Variants in ANKDD1A observed in about 807,000 individuals in gnomAD.
ANKDD1A encodes the protein ankyrin repeat and death domain containing 1A, also known as ankyrin repeat and death domain-containing protein 1A.
ANKDD1A carries 59 observed loss-of-function variants against 63.5 expected under a neutral mutation model. The ratio of observed to expected loss-of-function variants is 0.93; its 90% confidence interval spans 0.75 to 1.15. The LOEUF (loss-of-function observed/expected upper bound fraction) is 1.15, where lower values mean the gene tolerates loss of function less well. Ranked by LOEUF, ANKDD1A falls within the 50% of genes most tolerant of loss-of-function variation. The probability of loss-of-function intolerance (pLI) is 0.00; values close to 1 mark genes in which losing one functional copy is unlikely to be tolerated. For missense variants in ANKDD1A, 632 were observed against 656.4 expected (o/e 0.96, Z 0.41); for synonymous variants, 266 against 263.9 (o/e 1.01, Z -0.08).
intron 14 of ANKDD1A, among the ~76,000 whole-genome samples, chr15:64,956,879 A>C (rs1018777645): frequency 1.3e-5 from 2 of 152,180 alleles, no homozygotes; most frequent in African/African-American, 2.4e-5. Context: ...AACTTAAGAA[A>C]AATTCTAAAA....
chr15:64,951,720 C>CTTT (rs1276132353), intron 14 of ANKDD1A, among the ~76,000 whole-genome samples: 12 of 136,306 alleles, frequency 8.8e-5, no homozygotes, highest in South Asian at 2.3e-4. Flanking sequence ...TCTTTTTCTT[C>CTTT]CCTTTTCTTC....
intron 1 of ANKDD1A, among the ~76,000 whole-genome samples, chr15:64,915,366 G>A (rs1567108870): frequency 2.0e-5 from 3 of 152,170 alleles, no homozygotes; most frequent in Non-Finnish European, 4.4e-5. Flanking sequence ...GGCCTCACCC[G>A]GCGCTGGCAC....
At chr15:64,956,477 C>T (rs980289627) in intron 14 of ANKDD1A, among the ~76,000 whole-genome samples, 3 of 151,966 alleles carry the variant, frequency 2.0e-5, no homozygotes, top group Non-Finnish European at 2.9e-5. Context: ...GGCATGAACC[C>T]GGGAGACAGA....
chr15:64,952,121 TCTC>T (rs1166269915), intron 14 of ANKDD1A, among the ~76,000 whole-genome samples: 119,817 of 145,674 alleles, frequency 0.82, 51,066 homozygotes, highest in Non-Finnish European at 0.95. Flanking sequence ...TCTTCTTTCT[TCTC>T]TTTCTTCTTC....
At chr15:64,941,618 G>A (rs1595854431) in intron 9 of ANKDD1A, among the ~76,000 whole-genome samples, 1 of 152,312 alleles carries the variant, frequency 6.6e-6, no homozygotes, top group East Asian at 1.9e-4. Flanking sequence ...TTGTATGTGT[G>A]TGTATATTCT....
At chr15:64,948,229 TAC>T (rs2140382822) in intron 13 of ANKDD1A, among the ~76,000 whole-genome samples, 1 of 152,226 alleles carries the variant, frequency 6.6e-6, no homozygotes, top group East Asian at 1.9e-4. Context: ...AAAAGACAAA[TAC>T]AGATGACACA....
At chr15:64,951,561 T>TCC (rs2085278098) in intron 14 of ANKDD1A, 1 of 124,012 alleles carries the variant, frequency 8.1e-6, no homozygotes, top group Non-Finnish European at 1.7e-5. Flanking sequence ...CTTCTTTCTT[T>TCC]TTCTTTTCTT....
intron 14 of ANKDD1A, chr15:64,950,558 C>T: frequency 1.0e-6 from 1 of 985,360 alleles, no homozygotes; most frequent in Non-Finnish European, 1.2e-6. Flanking sequence ...CTGTGATACC[C>T]ACTGACGTGG....
rs2085194045 is a variant in ANKDD1A, at chr15:64,942,652, G to A, written c.966+87G>A. 4 of 947,218 alleles carry A rather than the reference G, an allele frequency of 4.2e-6. No homozygotes were observed. In the Admixed American group the frequency reaches 9.5e-5, roughly 22 times the overall value. 58.7% of individuals were successfully genotyped at this position (947,218 alleles called of 1,614,324 possible). On this transcript the variant is annotated intron_variant, in intron 10 of 14. Transcript: ENST00000319580. ...AGGCTTGGCTGTGGTCTCCTAGCAT[G>A]GCCCAGAGTTGAGGAATCACTTTTT...
chr15:64,937,697 C>T (rs542171140), intron 9 of ANKDD1A, among the ~76,000 whole-genome samples: 1 of 152,086 alleles, frequency 6.6e-6, no homozygotes, highest in South Asian at 2.1e-4. Flanking sequence ...CACTGTACTC[C>T]AGCCTGGATG....
At chr15:64,950,710 T>C in intron 14 of ANKDD1A, 1 of 979,752 alleles carries the variant, frequency 1.0e-6, no homozygotes, top group Non-Finnish European at 1.2e-6. Flanking sequence ...AGCATATTAT[T>C]GAGGGAAAAG....
chr15:64,926,005 G>A, intron 4 of ANKDD1A, 61 bp from the exon 5 acceptor site: 1 of 1,453,148 alleles, frequency 6.9e-7, no homozygotes, highest in South Asian at 1.2e-5. Context: ...TGGGAGACTG[G>A]CAGTGTGTGA....
chr15:64,924,063 G>T (rs963194566), intron 4 of ANKDD1A, among the ~76,000 whole-genome samples: 7 of 152,254 alleles, frequency 4.6e-5, no homozygotes, highest in African/African-American at 1.7e-4. Flanking sequence ...TTGGCGGGCA[G>T]TTCCTGTGGC....
rs2085438578 is a variant in ANKDD1A, at chr15:64,958,311, T to TA, written c.*1124dup. ...ACAAAGCGTTTGCTCTAATGTGAGC[T>TA]ATGGACTTTAGTTAATAGTAACGTG... On this transcript the variant is annotated 3_prime_UTR_variant, in exon 15 of 15. Coordinates refer to ENST00000319580, the MANE Select transcript of ANKDD1A (RefSeq NM_182703.6). 1 of 152,224 alleles carries TA rather than the reference T, an allele frequency of 6.6e-6. No individual in the cohort carries two copies. Among genetic ancestry groups the TA allele is most frequent in the Non-Finnish European group, 1.5e-5 (1 of 68,038 alleles). The allele number at this position is 152,224 out of a possible 1,614,324, so 9.4% of individuals were successfully genotyped here.
Position 64,949,871 on chromosome 15 carries a change from G to A in ANKDD1A, c.1382G>A (p.Arg461Gln), listed in dbSNP as rs201858103. 18 of 1,604,178 alleles carry A rather than the reference G, an allele frequency of 1.1e-5. No homozygotes were observed. The highest frequency in any genetic ancestry group is 8.0e-5 in the African/African-American group (6 of 75,048). ...GTRSYQEHGH[R>Q]MLLIWLHGVA... is the part of the protein sequence containing the mutation. Reference sequence around the variant, plus strand: ...AGGAGCTATCAGGAGCACGGCCACCGAATGCTGCTCATTTGGCTGCATGGC... The same window carrying A: ...AGGAGCTATCAGGAGCACGGCCACCAAATGCTGCTCATTTGGCTGCATGGC... Residue 461 changes from arginine (R) to glutamine (Q), a missense_variant, in exon 14 of 15, where the codon CGA becomes CAA. Transcript: ENST00000319580.
intron 14 of ANKDD1A, chr15:64,951,268 T>G: frequency 3.1e-6 from 3 of 982,280 alleles, no homozygotes; most frequent in Non-Finnish European, 3.6e-6. Flanking sequence ...ACACTTTGTT[T>G]ATTTCTTCTT....
chr15:64,919,671 A>G (rs2084994465), intron 3 of ANKDD1A: 1 of 152,112 alleles, frequency 6.6e-6, no homozygotes, highest in African/African-American at 2.4e-5. Context: ...CATCCCAAAC[A>G]TGGTACCTCT....
At chr15:64,943,628 C>T (rs745382424) in intron 11 of ANKDD1A, 46 bp downstream of exon 11, 13 of 1,582,448 alleles carry the variant, frequency 8.2e-6, no homozygotes, top group Non-Finnish European at 1.1e-5. Context: ...TCATGGCTCC[C>T]CCCTTGCCAG....
chr15:64,954,598 TCCTTCTTCC>T (rs1265959303), intron 14 of ANKDD1A, among the ~76,000 whole-genome samples: 1 of 136,064 alleles, frequency 7.3e-6, no homozygotes, highest in African/African-American at 2.9e-5. Context: ...TTCCTTCTTC[TCCTTCTTCC>T]TCCTCCTTCC....
Sources: allele counts gnomAD v4.1 joint callset (sites outside exome capture counted in the v4.1 genomes callset), GRCh38; gene constraint gnomAD v4.1.1; transcripts MANE v1.5; gene names NCBI Gene and HGNC (gene_info 2026-07-23, HGNC 2026-07-21).